Variants in CFAP46 observed in about 807,000 individuals in gnomAD.
The protein encoded by CFAP46 is cilia and flagella associated protein 46, also known as cilia- and flagella-associated protein 46.
CFAP46 carries 245 observed loss-of-function variants against 325.7 expected under a neutral mutation model. The observed-to-expected ratio is 0.75, with a 90% CI of 0.68 to 0.84. The LOEUF (loss-of-function observed/expected upper bound fraction) is 0.84. CFAP46 is among the 40% of genes least tolerant of loss of function. The pLI is 0.00. For synonymous variants in CFAP46, 1,523 were observed against 1,495.9 expected (o/e 1.02, Z -0.42); for missense variants, 3,346 against 3,543.0 (o/e 0.94, Z 1.41).
intron 11 of CFAP46, among the ~76,000 whole-genome samples, chr10:132,923,934 A>C (rs376336505): frequency 1.3e-4 from 20 of 152,300 alleles, no homozygotes; most frequent in African/African-American, 4.3e-4. Flanking sequence ...CTCTAGAAAA[A>C]TTCAGGGAGC....
chr10:132,839,293 C>A (rs1261576887), intron 44 of CFAP46, among the ~76,000 whole-genome samples: 1 of 152,222 alleles, frequency 6.6e-6, no homozygotes, highest in African/African-American at 2.4e-5. Context: ...CAGGTCCCCA[C>A]AAGGGACACA....
intron 39 of CFAP46, among the ~76,000 whole-genome samples, chr10:132,851,920 G>A (rs113529084): frequency 1.1e-4 from 16 of 143,346 alleles, no homozygotes; most frequent in South Asian, 4.5e-4. Context: ...CATTTACTTA[G>A]GAATTCTCAG....
At position 132,811,004 on chromosome 10, in the gene CFAP46, A is replaced by G; in HGVS notation, c.7529T>C (p.Leu2510Pro). The G allele has an allele frequency of 6.2e-7, 1 of 1,604,306 alleles. No individual in the cohort carries two copies. Among genetic ancestry groups the G allele is most frequent in the Non-Finnish European group, 8.5e-7 (1 of 1,175,768 alleles). The change falls in exon 56 of 58, where the codon CTG becomes CCG. Residue 2510 changes from leucine to proline, a missense_variant. Transcript: ENST00000368586. ...QECQVAVLLD[L>P]ARSYQSLKRH... Reference sequence around the variant, plus strand: ...CTTCAAGCTCTGGTAGGACCGCGCCAGGTCCAGCAGGACTGCCACCTGGCA... The same window carrying G: ...CTTCAAGCTCTGGTAGGACCGCGCCGGGTCCAGCAGGACTGCCACCTGGCA...
intron 50 of CFAP46, among the ~76,000 whole-genome samples, chr10:132,822,756 A>G (rs28972159): frequency 6.5e-5 from 2 of 30,848 alleles, no homozygotes; most frequent in East Asian, 1.0e-3. Context: ...GTGCTGTGTG[A>G]GTGCTGATGT....
intron 28 of CFAP46, among the ~76,000 whole-genome samples, chr10:132,880,218 G>A (rs74161919): frequency 0.093 from 14,143 of 152,248 alleles, 1,767 homozygotes; most frequent in African/African-American, 0.29. Context: ...CTCTCCGTGC[G>A]CACCTGCGCT....
chr10:132,896,824 G>T (rs1463757902), intron 24 of CFAP46, among the ~76,000 whole-genome samples: 2 of 152,138 alleles, frequency 1.3e-5, no homozygotes, highest in East Asian at 3.8e-4. Flanking sequence ...TCTTGAAAAA[G>T]AACAAAGTTG....
intron 10 of CFAP46, among the ~76,000 whole-genome samples, chr10:132,925,899 C>T (rs1161262988): frequency 6.6e-6 from 1 of 152,234 alleles, no homozygotes; most frequent in Admixed American, 6.5e-5. Context: ...CGGAGCCTCG[C>T]ACTGCCTGGC....
rs1342208679 is a variant in CFAP46 at position 132,886,400 on chromosome 10, T to C, written c.3305-441A>G. 6.6e-6 allele frequency among the ~76,000 whole-genome samples: 1 copy of C among 151,974 alleles called. No individual in the cohort carries two copies. The highest frequency in any genetic ancestry group is 1.9e-4 in the East Asian group (1 of 5,160). On this transcript the variant is annotated intron_variant, in intron 25 of 57. Coordinates refer to ENST00000368586, the MANE Select transcript of CFAP46 (RefSeq NM_001200049.3). The surrounding 1 kb of genome is among the most constrained non-coding windows in gnomAD (Gnocchi z 5.8). Reference sequence around the variant, plus strand: ...CTTGGTGCCCGCAGCACGGGAACAATCCCCGAGTCTCCACGCAGGCAGCGG... The same window carrying C: ...CTTGGTGCCCGCAGCACGGGAACAACCCCCGAGTCTCCACGCAGGCAGCGG...
chr10:132,883,699 A>G lies in CFAP46; in HGVS notation c.3627+1404T>C, dbSNP rs192346644. ...ACAGCATTCCTCACAGCAGGCAGAC[A>G]ATGGGAAGCAACACAAATAGCCATC... On this transcript the variant is annotated intron_variant, in intron 27 of 57. Coordinates refer to ENST00000368586, the MANE Select transcript of CFAP46 (RefSeq NM_001200049.3). Among the ~76,000 whole-genome samples the G allele has an allele frequency of 1.1e-4, 16 of 152,350 alleles. No homozygotes were observed. In the East Asian group the frequency reaches 2.9e-3, roughly 28 times the overall value.
Position 132,832,081 on chromosome 10 carries a change from A to G in CFAP46, c.7117+1277T>C, listed in dbSNP as rs1848155647. On this transcript the variant is annotated intron_variant, in intron 50 of 57. Coordinates refer to ENST00000368586, the MANE Select transcript of CFAP46 (RefSeq NM_001200049.3). The surrounding 1 kb of genome is among the most constrained non-coding windows in gnomAD (Gnocchi z 4.1). The stretch of plus-strand genomic sequence containing the variant: ...TCGTCATTCATTTCACATTTATGTT[A>G]TAAAACCCCATACCATTATTATTGT... 6.6e-6 allele frequency among the ~76,000 whole-genome samples: 1 copy of G among 152,150 alleles called. No individual in the cohort carries two copies. Among genetic ancestry groups the G allele is most frequent in the Non-Finnish European group, 1.5e-5 (1 of 68,018 alleles).
chr10:132,881,135 A>G, intron 27 of CFAP46, 103 bp from the exon 28 acceptor site: 1 of 1,137,498 alleles, frequency 8.8e-7, no homozygotes, highest in African/African-American at 1.5e-5. Context: ...GAAAAGCTTC[A>G]TTCTTACCCC....
chr10:132,823,892 C>T (rs1429116265), intron 50 of CFAP46, among the ~76,000 whole-genome samples: 16 of 121,722 alleles, frequency 1.3e-4, no homozygotes, highest in South Asian at 3.0e-4. Flanking sequence ...GCTGTCTGTG[C>T]GCTGTGTGCT....
In CFAP46 at chr10:132,909,936, G is replaced by A; in HGVS notation, c.2632C>T (p.Leu878=). ...QLLQQQIGPR[L]GTEEQGTNED... ...GCGCCCACCTGCTCCTCGGTGCCCA[G>A]CCGTGGCCCAATCTGCTGCTGCAGC... Residue 878 remains leucine, a synonymous_variant, in exon 20 of 58, where the codon CTG becomes TTG. Transcript: ENST00000368586. 6.6e-7 allele frequency: 1 copy of A among 1,508,702 alleles called. No homozygotes were observed. 93.5% of individuals were successfully genotyped at this position (1,508,702 alleles called of 1,614,324 possible). A position where few individuals can be genotyped will look rare whatever the true frequency, so the allele number is the denominator to read the frequency against.
At position 132,879,456 on chromosome 10, in the gene CFAP46, T is replaced by C; in HGVS notation, c.3975A>G (p.Ala1325=). Residue 1325 remains alanine (A), a synonymous_variant, in exon 29 of 58, where the codon GCA becomes GCG. Transcript: ENST00000368586. ...GAEGYEDCCL[A]AYAFFRHIWQ... The stretch of plus-strand genomic sequence containing the variant: ...AGATGTGCCTGAAGAAGGCGTAGGC[T>C]GCAAGGCAGCAGTCCTCGTAGCCCT... 1.3e-6 allele frequency: 2 copies of C among 1,541,166 alleles called. No homozygotes were observed. The highest frequency in any genetic ancestry group is 1.8e-6 in the Non-Finnish European group (2 of 1,142,108).
chr10:132,836,912 A>G lies in CFAP46; in HGVS notation c.6441T>C (p.Ala2147=). 3.1e-6 allele frequency: 5 copies of G among 1,613,646 alleles called. No homozygotes were observed. The highest frequency in any genetic ancestry group is 4.2e-6 in the Non-Finnish European group (5 of 1,179,752). ...VEQRLAAVSK[A]WQNLCVTEQH... ...GCTCAGTGACGCAGAGATTTTGCCA[A>G]GCCTGTGTGGCGAAAAACGGCCATC... Residue 2147 remains alanine (A), a splice_region_variant and synonymous_variant, in exon 45 of 58, where the codon GCT becomes GCC. Transcript: ENST00000368586.
Position 132,885,922 on chromosome 10 carries a change from G to A in CFAP46, c.3342C>T (p.Tyr1114=), listed in dbSNP as rs987679366. The part of the protein sequence containing the change: ...EDDLALRAAL[Y]GLLFHSHADQ... ...CGGCATGGCTGTGGAAGAGCAGGCC[G>A]TAGAGCGCAGCACGGAGCGCCAGGT... Residue 1114 remains tyrosine, a synonymous_variant, in exon 26 of 58, where the codon TAC becomes TAT. Transcript: ENST00000368586. 1.7e-5 allele frequency: 26 copies of A among 1,550,262 alleles called. No individual in the cohort carries two copies. Among genetic ancestry groups the A allele is most frequent in the Admixed American group, 1.4e-4 (7 of 50,984 alleles).
Position 132,850,304 on chromosome 10 carries a change from G to A in CFAP46, c.5892C>T (p.His1964=), listed in dbSNP as rs1591052091. The A allele has an allele frequency of 3.2e-6, 5 of 1,551,226 alleles. No individual in the cohort carries two copies. In the East Asian group the frequency reaches 7.3e-5, roughly 23 times the overall value. ...RLLGLAGRAL[H]LLAMQADPVH... is the part of the protein sequence containing the mutation. ...CAGGGTCAGCTTGCATGGCCAGCAG[G>A]TGCAGGGCCCTCCCGGCCAGGCCCA... The change falls in exon 41 of 58, where the codon CAC becomes CAT. Residue 1964 remains histidine (H), a synonymous_variant. Transcript: ENST00000368586.
At chr10:132,935,655 A>C (rs1466428107) in intron 7 of CFAP46, among the ~76,000 whole-genome samples, 5 of 127,872 alleles carry the variant, frequency 3.9e-5, no homozygotes, top group Admixed American at 1.5e-4. Context: ...TCCCCTCAGC[A>C]CCCAAACACA....
At chr10:132,906,468 G>A (rs144159668) in intron 22 of CFAP46, among the ~76,000 whole-genome samples, 1,590 of 144,948 alleles carry the variant, frequency 0.011, 10 homozygotes, top group East Asian at 0.062. Context: ...GTGATGCCCC[G>A]TCCTGGGCAC....
Sources: gnomAD v4.1 joint callset for allele counts (sites outside exome capture counted in the v4.1 genomes callset) on GRCh38, gnomAD v4.1.1 for gene constraint, Gnocchi (gnomAD v3.1) non-coding constraint, MANE v1.5 for transcripts, NCBI Gene and HGNC (gene_info 2026-07-23, HGNC 2026-07-21) for gene names.